Variants in GLUL observed in about 807,000 individuals in gnomAD.
The protein encoded by GLUL is glutamine synthetase.
In GLUL, 8 loss-of-function variants were observed where a neutral mutation model predicts 36.9. The ratio of observed to expected loss-of-function variants is 0.22; its 90% CI spans 0.13 to 0.39. The LOEUF is 0.39. Ranked by LOEUF, GLUL falls within the 10% of genes least tolerant of loss-of-function variation. GLUL has a pLI of 1.00. For missense variants in GLUL, 315 were observed against 501.8 expected, an observed-to-expected ratio of 0.63 and a Z score of 3.56; for synonymous variants, 182 against 172.8, an observed-to-expected ratio of 1.05 and a Z score of -0.42.
intron 2 of GLUL, among the ~76,000 whole-genome samples, chr1:182,387,885 A>G (rs1229773621): frequency 6.6e-6 from 1 of 152,212 alleles, no homozygotes; most frequent in African/African-American, 2.4e-5. Context: ...TCTGCCACAT[A>G]GCAAGTACAC....
chr1:182,389,042 C>T (rs749618229), intron 1 of GLUL: 2 of 382,528 alleles, frequency 5.2e-6, no homozygotes, highest in Non-Finnish European at 5.0e-6. Context: ...AACTCAATGC[C>T]TCTGCATCCC....
intron 3 of GLUL, 192 bp downstream of exon 3, chr1:182,386,939 A>G (rs1178078075): frequency 3.1e-6 from 2 of 650,200 alleles, no homozygotes; most frequent in South Asian, 1.7e-5. Flanking sequence ...CAACCAACAG[A>G]GAAGACCATA....
At position 182,384,447 on chromosome 1, in the gene GLUL, A is replaced by C. The variant is rs958018172; in HGVS notation, c.1080T>G (p.Leu360=). 2.0e-5 allele frequency: 32 copies of C among 1,613,748 alleles called. No homozygotes were observed. Among genetic ancestry groups the C allele is most frequent in the Non-Finnish European group, 2.6e-5 (31 of 1,179,820 alleles). The change falls in exon 7 of 7, where the codon CTT becomes CTG. Residue 360 remains leucine (L), a synonymous_variant. Transcript: ENST00000331872. ...AGGGCTCATCGCCGGTTTCATTGAG[A>C]AGACACGTGCGGATGAGGGCTTCTG... ...SVTEALIRTC[L]LNETGDEPFQ...
chr1:182,386,695 G>A (rs529868021), intron 3 of GLUL: 1 of 500,106 alleles, frequency 2.0e-6, no homozygotes, highest in East Asian at 3.8e-5. Flanking sequence ...TCTGCATTCT[G>A]GCCACCTCCC....
chr1:182,379,398 T>G lies in GLUL; in HGVS notation c.*5007A>C, dbSNP rs552473966. Among the ~76,000 whole-genome samples the G allele has an allele frequency of 3.9e-5, 6 of 152,138 alleles. No individual in the cohort carries two copies. In the East Asian group the frequency reaches 9.7e-4, roughly 25 times the overall value. ...CCACCACATCTTGCTAATTTTGGTA[T>G]TTTTAATAGAGACAAGGTTTCACCA... On this transcript the variant is annotated 3_prime_UTR_variant, in exon 7 of 7. Coordinates refer to ENST00000331872, the MANE Select transcript of GLUL (RefSeq NM_001033044.4).
intron 5 of GLUL, 72 bp from the exon 6 acceptor site, chr1:182,385,628 T>C (rs1650142716): frequency 6.4e-6 from 10 of 1,555,442 alleles, no homozygotes. Context: ...CTAAACCTGT[T>C]CTCTTCTCAC....
Position 182,387,299 on chromosome 1 carries a change from CAAA to C in GLUL, c.167-10_167-8del. On this transcript the variant is annotated splice_polypyrimidine_tract_variant and splice_region_variant and intron_variant, in intron 2 of 6. Transcript: ENST00000331872. Reference sequence around the variant, plus strand: ...AAATTCCACTCAGGCAACTCTGGGGCAAAAAGAGGGAAAATTACATTTAAAACA... The same window carrying C: ...AAATTCCACTCAGGCAACTCTGGGGCAAGAGGGAAAATTACATTTAAAACA... 1 of 1,607,624 alleles carries C rather than the reference CAAA, an allele frequency of 6.2e-7. No homozygotes were observed. The highest frequency in any genetic ancestry group is 8.5e-7 in the Non-Finnish European group (1 of 1,174,868).
chr1:182,379,351 T>C lies in GLUL; in HGVS notation c.*5054A>G, dbSNP rs1402373858. On this transcript the variant is annotated 3_prime_UTR_variant, in exon 7 of 7. Coordinates refer to ENST00000331872, the MANE Select transcript of GLUL (RefSeq NM_001033044.4). ...GATCCTCCTGCCTCAGCCTCCTGAG[T>C]AGCTGGAATTATAGGCACCCACCAC... is the stretch of plus-strand genomic sequence containing the variant. Among the ~76,000 whole-genome samples, 1 of 151,608 alleles carries C rather than the reference T, an allele frequency of 6.6e-6. No individual in the cohort carries two copies. Among genetic ancestry groups the C allele is most frequent in the African/African-American group, 2.4e-5 (1 of 41,188 alleles).
At chr1:182,385,602 T>TC (rs751649724) in intron 5 of GLUL, 46 bp from the exon 6 acceptor site, 1 of 1,575,612 alleles carries the variant, frequency 6.3e-7, no homozygotes, top group Non-Finnish European at 8.7e-7. Context: ...AACTGCTCAC[T>TC]CCAACTCAGA....
chr1:182,387,995 G>A (rs1266219356), intron 2 of GLUL, among the ~76,000 whole-genome samples: 2 of 152,214 alleles, frequency 1.3e-5, no homozygotes, highest in Admixed American at 1.3e-4. Context: ...CCCCTTTCCA[G>A]AAGAGGGAAG....
rs187340893 is a variant in GLUL at position 182,388,392 on chromosome 1, G to A, written c.166+180C>T. On this transcript the variant is annotated intron_variant, in intron 2 of 6. Transcript: ENST00000331872. ...CATTGAAATAAAGGGTTCCATCGTC[G>A]CTCTGCTTTGAGGCAGTGTAGGAGC... is the stretch of plus-strand genomic sequence containing the variant. Among the ~76,000 whole-genome samples the A allele has an allele frequency of 3.9e-5, 6 of 152,224 alleles. No individual in the cohort carries two copies. In the East Asian group the frequency reaches 7.7e-4, roughly 20 times the overall value.
At position 182,386,203 on chromosome 1, in the gene GLUL, C is replaced by T. The variant is rs1650173242; in HGVS notation, c.475+53G>A. On this transcript the variant is annotated intron_variant, in intron 4 of 6. Transcript: ENST00000331872. ...ATTCCCATCCCTGGGAAGGGGCATT[C>T]CTGCACAGTTAGACACTTCTGGGAA... 3 of 1,536,284 alleles carry T rather than the reference C, an allele frequency of 2.0e-6. No individual in the cohort carries two copies. In the African/African-American group the frequency reaches 4.1e-5, roughly 21 times the overall value.
In GLUL at chr1:182,384,148, C is replaced by G. The variant is rs1405635624; in HGVS notation, c.*257G>C. The stretch of plus-strand genomic sequence containing the variant: ...TTAAATGGAAGCAGTGGTTATGTCT[C>G]CCCACCCTCCTCCCCACTAATGCAC... On this transcript the variant is annotated 3_prime_UTR_variant, in exon 7 of 7. Transcript: ENST00000331872. 4 of 472,260 alleles carry G rather than the reference C, an allele frequency of 8.5e-6. No individual in the cohort carries two copies. Among genetic ancestry groups the G allele is most frequent in the Non-Finnish European group, 3.9e-6 (1 of 258,276 alleles). 29.3% of individuals were successfully genotyped at this position (472,260 alleles called of 1,614,324 possible).
chr1:182,384,255 A>G lies in GLUL; in HGVS notation c.*150T>C. 1 of 706,288 alleles carries G rather than the reference A, an allele frequency of 1.4e-6. No individual in the cohort carries two copies. The highest frequency in any genetic ancestry group is 2.6e-6 in the Non-Finnish European group (1 of 386,014). The allele number at this position is 706,288 out of a possible 1,614,324, so 43.8% of individuals were successfully genotyped here. A position where few individuals can be genotyped will look rare whatever the true frequency, so the allele number is the denominator to read the frequency against. ...TTGACCCCTCTATCCCAGCCAAACA[A>G]AGAAAGCAAGATTAACTGGGCACAT... On this transcript the variant is annotated 3_prime_UTR_variant, in exon 7 of 7. Coordinates refer to ENST00000331872, the MANE Select transcript of GLUL (RefSeq NM_001033044.4).
chr1:182,380,156 T>C lies in GLUL; in HGVS notation c.*4249A>G, dbSNP rs1344859883. On this transcript the variant is annotated 3_prime_UTR_variant, in exon 7 of 7. Coordinates refer to ENST00000331872, the MANE Select transcript of GLUL (RefSeq NM_001033044.4). ...AGCCACTGTGCCTGGCAGTTATAAC[T>C]CTTAAAGCAACACAAGGCTCTTGGT... 1.3e-5 allele frequency among the ~76,000 whole-genome samples: 2 copies of C among 152,200 alleles called. No homozygotes were observed. Among genetic ancestry groups the C allele is most frequent in the Non-Finnish European group, 2.9e-5 (2 of 68,042 alleles).
Position 182,385,539 on chromosome 1 carries a change from T to C in GLUL, c.621A>G (p.Gly207=), listed in dbSNP as rs1387392828. The C allele has an allele frequency of 1.2e-6, 2 of 1,613,894 alleles. No homozygotes were observed. The highest frequency in any genetic ancestry group is 1.7e-6 in the Non-Finnish European group (2 of 1,179,894). The part of the protein sequence containing the change: ...VMPAQWEFQI[G]PCEGISMGDH... The stretch of plus-strand genomic sequence containing the variant: ...CTCCCATGCTGATTCCTTCACAAGG[T>C]CCAATCTGAAATTCCCACTAGAAAC... Residue 207 remains glycine, a synonymous_variant, in exon 6 of 7, where the codon GGA becomes GGG. Transcript: ENST00000331872.
chr1:182,390,053 T>C (rs1650342643), intron 1 of GLUL: 1 of 152,480 alleles, frequency 6.6e-6, no homozygotes, highest in South Asian at 2.1e-4. Context: ...GAAACTCCCG[T>C]CTCTACTAAA....
At chr1:182,388,831 G>T in intron 1 of GLUL, 81 bp from the exon 2 acceptor site, 1 of 1,070,520 alleles carries the variant, frequency 9.3e-7, no homozygotes, top group Non-Finnish European at 1.4e-6. Context: ...AAGGACGACT[G>T]AATCAAAAGT....
At position 182,379,756 on chromosome 1, in the gene GLUL, G is replaced by A. The variant is rs906203904; in HGVS notation, c.*4649C>T. Among the ~76,000 whole-genome samples the A allele has an allele frequency of 4.6e-5, 7 of 151,168 alleles. 1 individual carries two copies. Among genetic ancestry groups the A allele is most frequent in the African/African-American group, 7.3e-5 (3 of 41,050 alleles). ...TTGTCATGTTGCCCAGGCTAGTCTCGAACTTCTGAGCTCAAGTGATCTACC... is the reference window on the plus strand; with the variant it reads ...TTGTCATGTTGCCCAGGCTAGTCTCAAACTTCTGAGCTCAAGTGATCTACC... On this transcript the variant is annotated 3_prime_UTR_variant, in exon 7 of 7. Transcript: ENST00000331872.
Sources: gnomAD v4.1 joint callset for allele counts (sites outside exome capture counted in the v4.1 genomes callset) on GRCh38, gnomAD v4.1.1 for gene constraint, MANE v1.5 for transcripts, NCBI Gene and HGNC (gene_info 2026-07-23, HGNC 2026-07-21) for gene names.